The following ABI1 variants were observed in gnomAD, a reference collection of about 807,000 sequenced individuals.
The protein encoded by ABI1 is Abelson interactor 1.
Under a neutral mutation model 54.6 loss-of-function variants are expected in ABI1, and 14 were observed. That is an observed-to-expected ratio of 0.26 (90% CI 0.17 to 0.40). The LOEUF is 0.40. Among genes scored for constraint, ABI1 ranks in the 10% least tolerant of loss-of-function variants. The pLI, the probability that ABI1 is intolerant of heterozygous loss-of-function variation, is 1.00. For synonymous variants in ABI1, 194 were observed against 209.3 expected, an observed-to-expected ratio of 0.93 and a Z score of 0.63; for missense variants, 443 against 598.3, an observed-to-expected ratio of 0.74 and a Z score of 2.71.
intron 6 of ABI1, among the ~76,000 whole-genome samples, chr10:26,768,183 A>G (rs954614731): frequency 6.6e-6 from 1 of 152,052 alleles, no homozygotes; most frequent in South Asian, 2.1e-4. Flanking sequence ...TATAATTCCT[A>G]TGATATTTAA....
intron 1 of ABI1, among the ~76,000 whole-genome samples, chr10:26,854,364 C>T (rs556334676): frequency 1.1e-4 from 16 of 151,158 alleles, no homozygotes; most frequent in South Asian, 1.0e-3. Context: ...AGTATTCTCA[C>T]CTTGAGAGTA....
At chr10:26,752,373 A>C (rs1459443913) in intron 9 of ABI1, among the ~76,000 whole-genome samples, 1 of 152,204 alleles carries the variant, frequency 6.6e-6, no homozygotes, top group East Asian at 1.9e-4. Flanking sequence ...TTTACATTTT[A>C]CAAGTTGAAA....
chr10:26,778,248 T>C (rs2132922797), intron 2 of ABI1, among the ~76,000 whole-genome samples: 1 of 152,246 alleles, frequency 6.6e-6, no homozygotes, highest in Non-Finnish European at 1.5e-5. Context: ...AGTTGCCAAC[T>C]TAAAACTGGA....
chr10:26,816,623 A>C (rs1240064577), intron 2 of ABI1, among the ~76,000 whole-genome samples: 1 of 152,202 alleles, frequency 6.6e-6, no homozygotes. Flanking sequence ...TATTCAAACT[A>C]CTTTCTTAAG....
At chr10:26,748,829 A>G in intron 10 of ABI1, 84 bp from the exon 11 acceptor site, 1 of 956,968 alleles carries the variant, frequency 1.0e-6, no homozygotes, top group East Asian at 2.6e-5. Context: ...AATTAAATAT[A>G]TAGCACAGCA....
rs557465863 is a variant in ABI1 at position 26,757,598 on chromosome 10, T to C, written c.997+1464A>G. On this transcript the variant is annotated intron_variant, in intron 8 of 10. Coordinates refer to ENST00000376140, the MANE Select transcript of ABI1 (RefSeq NM_001012750.3). ...ACACTGGCTACCTTTTGATACCAAA[T>C]GTTAGGTAAAATCCTATTTAGTGAA... is the stretch of plus-strand genomic sequence containing the variant. 5.9e-5 allele frequency among the ~76,000 whole-genome samples: 9 copies of C among 152,318 alleles called. No homozygotes were observed. In the South Asian group the frequency reaches 1.9e-3, roughly 32 times the overall value.
chr10:26,820,261 AATGTAT>A (rs770072369), intron 2 of ABI1, among the ~76,000 whole-genome samples: 41 of 152,206 alleles, frequency 2.7e-4, no homozygotes, highest in Non-Finnish European at 3.8e-4. Context: ...ATCATTTCAC[AATGTAT>A]ATGTATATCA....
rs568099566 is a variant in ABI1, at chr10:26,829,055, T to C, written c.118-5750A>G. Among the ~76,000 whole-genome samples, 38 of 150,856 alleles carry C rather than the reference T, an allele frequency of 2.5e-4. 1 individual carries two copies. In the East Asian group the frequency reaches 7.0e-3, roughly 28 times the overall value. On this transcript the variant is annotated intron_variant, in intron 1 of 10. Coordinates refer to ENST00000376140, the MANE Select transcript of ABI1 (RefSeq NM_001012750.3). ...TCCTGGCTAACACGGTGAAACCCCA[T>C]CTCTACTAAAAATACAAAAAATTAG...
At position 26,746,817 on chromosome 10, in the gene ABI1, C is replaced by T. The variant is rs1394789160; in HGVS notation, c.*1753G>A. The T allele has an allele frequency of 1.0e-5, 4 of 387,670 alleles. No homozygotes were observed. The highest frequency in any genetic ancestry group is 1.4e-5 in the Non-Finnish European group (3 of 206,952). The allele number at this position is 387,670 out of a possible 1,614,324, so 24.0% of individuals were successfully genotyped here. On this transcript the variant is annotated 3_prime_UTR_variant, in exon 11 of 11. Transcript: ENST00000376140. The stretch of plus-strand genomic sequence containing the variant: ...ATTCAAATGGTTTGTCTTGATTTAC[C>T]GTAGGAGTAAAGGTCAGAAAAATGT...
chr10:26,795,037 G>A (rs985085976), intron 2 of ABI1, among the ~76,000 whole-genome samples: 2 of 151,988 alleles, frequency 1.3e-5, no homozygotes, highest in Non-Finnish European at 2.9e-5. Context: ...CCAGCTACTC[G>A]GGAGGCTGAG....
rs138726267 is a variant in ABI1 at position 26,860,355 on chromosome 10, C to T, written c.117+392G>A. 3.4e-4 allele frequency among the ~76,000 whole-genome samples: 51 copies of T among 152,174 alleles called. No homozygotes were observed. The highest frequency in any genetic ancestry group is 1.2e-3 in the African/African-American group (51 of 41,520). On this transcript the variant is annotated intron_variant, in intron 1 of 10. Transcript: ENST00000376140. This position sits in a 1 kb window ranked among gnomAD's most constrained non-coding sequence, Gnocchi z 4.1. ...CTCCTCTCCCGGCGCAGAGAGGCGG[C>T]GCGGCGGCAGCTCGGGGGTATTCCG...
chr10:26,834,851 C>T (rs962452411), intron 1 of ABI1, among the ~76,000 whole-genome samples: 2 of 151,970 alleles, frequency 1.3e-5, no homozygotes, highest in African/African-American at 4.8e-5. Context: ...GCCTGTAATC[C>T]CAGCACTTTG....
intron 8 of ABI1, among the ~76,000 whole-genome samples, chr10:26,758,653 T>C (rs1478570867): frequency 1.3e-5 from 2 of 152,336 alleles, no homozygotes; most frequent in South Asian, 2.1e-4. Flanking sequence ...GCAATTTCAT[T>C]ATATTAATTT....
intron 2 of ABI1, chr10:26,788,915 A>G (rs1843063528): frequency 7.2e-6 from 1 of 139,058 alleles, no homozygotes; most frequent in South Asian, 2.2e-4. Flanking sequence ...TCCGTCTCAA[A>G]AAAAAAAAAA....
intron 2 of ABI1, among the ~76,000 whole-genome samples, chr10:26,777,517 T>A (rs777790218): frequency 1.3e-5 from 2 of 152,204 alleles, no homozygotes; most frequent in Non-Finnish European, 2.9e-5. Context: ...TGGTGGCTCA[T>A]GCCTGTAATA....
chr10:26,799,132 T>C (rs1281988404), intron 2 of ABI1, among the ~76,000 whole-genome samples: 2 of 152,172 alleles, frequency 1.3e-5, no homozygotes, highest in Admixed American at 6.5e-5. Flanking sequence ...AATCCAGTTA[T>C]ATGATTTCTT....
chr10:26,761,661 T>TATATATATACACAC lies in ABI1; in HGVS notation c.821-2424_821-2423insGTGTGTATATATAT, dbSNP rs1375832167. Among the ~76,000 whole-genome samples, 610 of 78,472 alleles carry TATATATATACACAC rather than the reference T, an allele frequency of 7.8e-3. 7 individuals are homozygous for TATATATATACACAC. The highest frequency in any genetic ancestry group is 9.6e-3 in the Non-Finnish European group (405 of 42,176). 51.5% of individuals were successfully genotyped at this position (78,472 alleles called of 152,430 possible). On this transcript the variant is annotated intron_variant, in intron 7 of 10. Coordinates refer to ENST00000376140, the MANE Select transcript of ABI1 (RefSeq NM_001012750.3). ...ATATATATATATATATATATATATA[T>TATATATATACACAC]ACACACACACATACACATATATAAC...
At chr10:26,850,953 G>A (rs1319932718) in intron 1 of ABI1, among the ~76,000 whole-genome samples, 1 of 152,110 alleles carries the variant, frequency 6.6e-6, no homozygotes, top group Non-Finnish European at 1.5e-5. Context: ...TAGTAACAGA[G>A]AATAATGGGC....
At chr10:26,775,617 C>T (rs555454581) in intron 3 of ABI1, among the ~76,000 whole-genome samples, 2 of 152,052 alleles carry the variant, frequency 1.3e-5, no homozygotes, top group Admixed American at 6.6e-5. Flanking sequence ...TACACATATA[C>T]GATGAAATAG....
Sources: allele counts gnomAD v4.1 joint callset (sites outside exome capture counted in the v4.1 genomes callset), GRCh38; gene constraint gnomAD v4.1.1; non-coding constraint Gnocchi (gnomAD v3.1); transcripts MANE v1.5; gene names NCBI Gene and HGNC (gene_info 2026-07-23, HGNC 2026-07-21).